Variants in FBXL20 observed in about 807,000 individuals in gnomAD.
FBXL20 encodes the protein F-box and leucine rich repeat protein 20.
FBXL20 carries 11 observed loss-of-function variants against 64.0 expected under a neutral mutation model. The observed-to-expected ratio is 0.17, with a 90% confidence interval of 0.11 to 0.28. The LOEUF (loss-of-function observed/expected upper bound fraction) is 0.28. Among genes scored for constraint, FBXL20 ranks in the 10% least tolerant of loss-of-function variants. The pLI, the probability that FBXL20 is intolerant of heterozygous loss-of-function variation, is 1.00. For missense variants in FBXL20, 303 were observed against 526.2 expected, an observed-to-expected ratio of 0.58 and a Z score of 4.15; for synonymous variants, 184 against 189.0, an observed-to-expected ratio of 0.97 and a Z score of 0.22.
At chr17:39,364,569 C>A (rs2047840044) in intron 1 of FBXL20, among the ~76,000 whole-genome samples, 1 of 152,096 alleles carries the variant, frequency 6.6e-6, no homozygotes, top group Admixed American at 6.6e-5. Context: ...AAGGTCGTGC[C>A]ACTGCACTCC....
intron 14 of FBXL20, among the ~76,000 whole-genome samples, chr17:39,263,054 C>G (rs544368541): frequency 9.9e-5 from 15 of 151,672 alleles, no homozygotes; most frequent in Non-Finnish European, 1.9e-4. Context: ...ATACCTGGGT[C>G]TCTCTATTAT....
chr17:39,286,065 G>A (rs2046985780), intron 6 of FBXL20, among the ~76,000 whole-genome samples: 1 of 152,070 alleles, frequency 6.6e-6, no homozygotes, highest in Non-Finnish European at 1.5e-5. Flanking sequence ...TCTGGTATTG[G>A]GCTGAAAAAA....
At chr17:39,360,204 T>C (rs892207973) in intron 1 of FBXL20, among the ~76,000 whole-genome samples, 5 of 151,962 alleles carry the variant, frequency 3.3e-5, no homozygotes, top group Non-Finnish European at 5.9e-5. Context: ...AGAGAAAGGA[T>C]AGTGGTGGTT....
At chr17:39,312,510 A>T (rs192731218) in intron 2 of FBXL20, among the ~76,000 whole-genome samples, 1 of 133,480 alleles carries the variant, frequency 7.5e-6, no homozygotes, top group Non-Finnish European at 1.6e-5. Context: ...CCCTTCTACC[A>T]CTCTACATCT....
At chr17:39,298,887 A>G in intron 5 of FBXL20, 103 bp downstream of exon 5, 1 of 869,852 alleles carries the variant, frequency 1.1e-6, no homozygotes, top group Non-Finnish European at 1.9e-6. Flanking sequence ...GTGTGGTTGC[A>G]TTTTTAATAA....
intron 8 of FBXL20, among the ~76,000 whole-genome samples, chr17:39,282,050 G>A (rs1011800484): frequency 6.6e-6 from 1 of 152,038 alleles, no homozygotes; most frequent in African/African-American, 2.4e-5. Flanking sequence ...TCAAACAATG[G>A]AACCCCTCTC....
intron 1 of FBXL20, among the ~76,000 whole-genome samples, chr17:39,382,150 T>C (rs2048030368): frequency 7.2e-6 from 1 of 138,154 alleles, no homozygotes; most frequent in East Asian, 2.3e-4. Flanking sequence ...GTATTATAAA[T>C]TAAAAATAGA....
intron 1 of FBXL20, among the ~76,000 whole-genome samples, chr17:39,354,393 T>C (rs2047716408): frequency 6.6e-6 from 1 of 152,196 alleles, no homozygotes; most frequent in South Asian, 2.1e-4. Flanking sequence ...TTACTACCCA[T>C]TCCATGTCCT....
At chr17:39,306,536 T>C (rs60171801) in intron 2 of FBXL20, among the ~76,000 whole-genome samples, 15,635 of 152,198 alleles carry the variant, frequency 0.1, 861 homozygotes, top group African/African-American at 0.15. Context: ...TGAATGGTCC[T>C]GGCATTTTTG....
chr17:39,384,271 T>G (rs572514560), intron 1 of FBXL20, among the ~76,000 whole-genome samples: 50 of 152,182 alleles, frequency 3.3e-4, no homozygotes, highest in African/African-American at 1.1e-3. Flanking sequence ...CTCACGCCTG[T>G]AATCTCAGCA....
chr17:39,293,335 C>T (rs2047057576), intron 6 of FBXL20, among the ~76,000 whole-genome samples: 1 of 151,820 alleles, frequency 6.6e-6, no homozygotes. Flanking sequence ...AATTCTTCTG[C>T]CTCAGCCTTC....
intron 1 of FBXL20, among the ~76,000 whole-genome samples, chr17:39,357,359 G>A (rs773911918): frequency 1.3e-5 from 2 of 151,464 alleles, no homozygotes; most frequent in Non-Finnish European, 2.9e-5. Context: ...ATAAATGTTG[G>A]CATTATTTCT....
intron 2 of FBXL20, among the ~76,000 whole-genome samples, chr17:39,316,316 T>C (rs990261673): frequency 7.2e-6 from 1 of 138,440 alleles, no homozygotes; most frequent in South Asian, 2.1e-4. Context: ...CACACACACA[T>C]TTTTTTCTTT....
rs753600053 is a variant in FBXL20 at position 39,401,350 on chromosome 17, C to CA, written c.42+10dup. On this transcript the variant is annotated intron_variant, in intron 1 of 14. Transcript: ENST00000264658. ...CCCTCCTCACGCCGCCCGAGCCCCC[C>CA]AAGCTCACACCTCAAACCTGCTCTT... The CA allele has an allele frequency of 5.9e-5, 95 of 1,612,716 alleles. No homozygotes were observed. Among genetic ancestry groups the CA allele is most frequent in the Non-Finnish European group, 7.7e-5 (91 of 1,179,556 alleles).
chr17:39,401,281 G>T (rs1024901150), intron 1 of FBXL20, 80 bp downstream of exon 1: 9 of 1,605,920 alleles, frequency 5.6e-6, no homozygotes, highest in Non-Finnish European at 7.6e-6. Flanking sequence ...CAGGGAGGAG[G>T]CTCCGTGCGG....
At chr17:39,328,862 AG>A (rs750125281) in intron 2 of FBXL20, among the ~76,000 whole-genome samples, 2 of 152,038 alleles carry the variant, frequency 1.3e-5, no homozygotes, top group Non-Finnish European at 2.9e-5. Context: ...AAGACAGCCT[AG>A]GCAACATAAT....
At chr17:39,268,921 C>T in intron 11 of FBXL20, 50 bp from the exon 12 acceptor site, 1 of 1,526,246 alleles carries the variant, frequency 6.6e-7, no homozygotes, top group Non-Finnish European at 9.0e-7. Flanking sequence ...ACATTTAAAA[C>T]ATGAGAAACT....
In FBXL20 at chr17:39,391,039, T is replaced by C. The variant is rs560837534; in HGVS notation, c.42+10322A>G. ...GCTTGTGCGACAGAGCAAGGCTCTA[T>C]CTCAAAAAAAAAGATCATTAGTTGT... On this transcript the variant is annotated intron_variant, in intron 1 of 14. Coordinates refer to ENST00000264658, the MANE Select transcript of FBXL20 (RefSeq NM_032875.3). 6.6e-5 allele frequency among the ~76,000 whole-genome samples: 10 copies of C among 151,882 alleles called. No homozygotes were observed. In the South Asian group the frequency reaches 2.1e-3, roughly 32 times the overall value.
Position 39,256,376 on chromosome 17 carries a change from T to A in FBXL20, c.*5084A>T, listed in dbSNP as rs569572403. The A allele has an allele frequency of 6.6e-6, 1 of 151,760 alleles. No individual in the cohort carries two copies. The highest frequency in any genetic ancestry group is 1.5e-5 in the Non-Finnish European group (1 of 67,954). The allele number at this position is 151,760 out of a possible 1,614,324, so 9.4% of individuals were successfully genotyped here. ...CGAGGAAAGGCTGTGACTCCATTTT[T>A]CCCCATTATCCTTTTACTGCTTTAG... On this transcript the variant is annotated 3_prime_UTR_variant, in exon 15 of 15. Transcript: ENST00000264658.
Sources: gnomAD v4.1 joint callset for allele counts (sites outside exome capture counted in the v4.1 genomes callset) on GRCh38, gnomAD v4.1.1 for gene constraint, MANE v1.5 for transcripts, NCBI Gene and HGNC (gene_info 2026-07-23, HGNC 2026-07-21) for gene names.